Variants in CISD1 observed in about 807,000 individuals in gnomAD.
The protein encoded by CISD1 is CDGSH iron sulfur domain 1.
CISD1 carries 8 observed loss-of-function variants against 12.0 expected under a neutral mutation model. The ratio of observed to expected loss-of-function variants is 0.67; its 90% CI spans 0.39 to 1.20. The LOEUF is 1.20. Among genes scored for constraint, CISD1 ranks in the 50% most tolerant of loss-of-function variants. The probability of loss-of-function intolerance (pLI) is 0.01; values close to 1 mark genes in which losing one functional copy is unlikely to be tolerated. For synonymous variants in CISD1, 38 were observed against 42.2 expected (o/e 0.90, Z 0.39); for missense variants, 107 against 132.7 (o/e 0.81, Z 0.95).
chr10:58,286,131 G>C (rs530677290), intron 2 of CISD1, among the ~76,000 whole-genome samples: 2 of 151,528 alleles, frequency 1.3e-5, no homozygotes, highest in African/African-American at 4.9e-5. Context: ...CGTGAACCCA[G>C]GAGGCGGAGC....
chr10:58,271,017 G>A (rs935941733), intron 1 of CISD1, among the ~76,000 whole-genome samples: 2 of 147,708 alleles, frequency 1.4e-5, no homozygotes, highest in Non-Finnish European at 3.0e-5. Context: ...GATTACATAT[G>A]TGAGACACCA....
Position 58,288,322 on chromosome 10 carries a change from T to C in CISD1, c.*672T>C, listed in dbSNP as rs1182489979. ...ATTAAAGGAGCCAATAGTGAAAATT[T>C]AGTTAAAGGTGATATTAGATTTAAA... On this transcript the variant is annotated 3_prime_UTR_variant, in exon 3 of 3. Coordinates refer to ENST00000333926, the MANE Select transcript of CISD1 (RefSeq NM_018464.5). 6.6e-6 allele frequency: 1 copy of C among 152,346 alleles called. No homozygotes were observed. Among genetic ancestry groups the C allele is most frequent in the Non-Finnish European group, 1.5e-5 (1 of 68,004 alleles). The allele number at this position is 152,346 out of a possible 1,614,324, so 9.4% of individuals were successfully genotyped here. A position where few individuals can be genotyped will look rare whatever the true frequency, so the allele number is the denominator to read the frequency against.
At chr10:58,278,105 T>A (rs1433580746) in intron 2 of CISD1, among the ~76,000 whole-genome samples, 1 of 152,220 alleles carries the variant, frequency 6.6e-6, no homozygotes, top group African/African-American at 2.4e-5. Context: ...TTAGACATGA[T>A]GGCAGCTAGT....
chr10:58,279,743 G>A (rs140124047), intron 2 of CISD1, among the ~76,000 whole-genome samples: 10 of 152,242 alleles, frequency 6.6e-5, no homozygotes, highest in Non-Finnish European at 8.8e-5. Context: ...ATATGCATGC[G>A]TGAGAAACAT....
chr10:58,284,332 A>C (rs1162613407), intron 2 of CISD1, among the ~76,000 whole-genome samples: 1 of 152,036 alleles, frequency 6.6e-6, no homozygotes, highest in East Asian at 1.9e-4. Flanking sequence ...AAAAAAAAAA[A>C]AACTGTATAC....
At chr10:58,274,813 G>A (rs1017519183) in intron 1 of CISD1, among the ~76,000 whole-genome samples, 5 of 151,556 alleles carry the variant, frequency 3.3e-5, no homozygotes, top group East Asian at 3.9e-4. Flanking sequence ...GGGAGGTAAA[G>A]CTTAAAAAAA....
At chr10:58,279,019 CAT>C (rs544080502) in intron 2 of CISD1, among the ~76,000 whole-genome samples, 75 of 152,136 alleles carry the variant, frequency 4.9e-4, no homozygotes, top group Non-Finnish European at 1.0e-3. Context: ...TAAGTACTGA[CAT>C]GTGAATACAT....
rs60626434 is a variant in CISD1, at chr10:58,287,832, C to CA, written c.*199dup. 0.028 allele frequency: 7,254 copies of CA among 255,830 alleles called. 54 individuals are homozygous for CA. The highest frequency in any genetic ancestry group is 0.033 in the Non-Finnish European group (4,674 of 140,002). The allele number at this position is 255,830 out of a possible 1,614,324, so 15.8% of individuals were successfully genotyped here. ...ACATCGTGGTGCACATTTGTTTAAACAAAAAAAAAAAAAAAAAGGAAAAAC... is the reference window on the plus strand; with the variant it reads ...ACATCGTGGTGCACATTTGTTTAAACAAAAAAAAAAAAAAAAAAGGAAAAAC... On this transcript the variant is annotated 3_prime_UTR_variant, in exon 3 of 3. Coordinates refer to ENST00000333926, the MANE Select transcript of CISD1 (RefSeq NM_018464.5).
intron 2 of CISD1, among the ~76,000 whole-genome samples, chr10:58,285,940 T>G (rs540245552): frequency 6.4e-4 from 98 of 152,192 alleles, no homozygotes; most frequent in African/African-American, 2.3e-3. Context: ...GCGCGGTGGC[T>G]CACACCTGTA....
intron 1 of CISD1, among the ~76,000 whole-genome samples, chr10:58,272,937 G>A (rs576608538): frequency 1.3e-5 from 2 of 151,962 alleles, no homozygotes; most frequent in Non-Finnish European, 2.9e-5. Context: ...GAAAAATAAG[G>A]GGGGAGTTTG....
Position 58,269,314 on chromosome 10 carries a change from G to A in CISD1, c.31+10G>A. 2 of 1,607,384 alleles carry A rather than the reference G, an allele frequency of 1.2e-6. No homozygotes were observed. The highest frequency in any genetic ancestry group is 1.1e-5 in the South Asian group (1 of 91,002). On this transcript the variant is annotated intron_variant, in intron 1 of 2. Transcript: ENST00000333926. ...AGTTCCAGCGTACGAGGTGAAGTGG[G>A]GCCTGGGAGCGGGTGAGGCTGGTGA...
rs768624572 is a variant in CISD1, at chr10:58,277,149, G to A, written c.64G>A (p.Gly22Arg). 8 of 1,611,076 alleles carry A rather than the reference G, an allele frequency of 5.0e-6. No individual in the cohort carries two copies. The South Asian group carries it at 5.5e-5, about 11-fold the overall frequency. ...GATCGCAGCAGTTACCATTGCTGCT[G>A]GGACAGCTGCAATTGGTTATCTAGC... ...EWIAAVTIAA[G>R]TAAIGYLAYK... The change falls in exon 2 of 3, where the codon GGG becomes AGG. Residue 22 changes from glycine (G) to arginine (R), a missense_variant. Gly to Arg is a moderately radical substitution (Grantham distance 125, BLOSUM62 -2). Transcript: ENST00000333926.
At chr10:58,269,372 G>C in intron 1 of CISD1, 68 bp downstream of exon 1, 1 of 1,469,404 alleles carries the variant, frequency 6.8e-7, no homozygotes, top group Non-Finnish European at 9.4e-7. Flanking sequence ...CAGTTCGACT[G>C]GGTTGTTTTA....
chr10:58,270,827 G>T (rs1322204500), intron 1 of CISD1, among the ~76,000 whole-genome samples: 3 of 152,178 alleles, frequency 2.0e-5, no homozygotes, highest in Admixed American at 6.5e-5. Flanking sequence ...ACTGAAGCAG[G>T]TTATTGGCTT....
chr10:58,276,461 T>G (rs980939321), intron 1 of CISD1, among the ~76,000 whole-genome samples: 2 of 151,966 alleles, frequency 1.3e-5, no homozygotes, highest in African/African-American at 4.8e-5. Flanking sequence ...GAGAAAACAC[T>G]TTGAAATTTT....
rs747232724 is a variant in CISD1, at chr10:58,283,888, TAAAC to T, written c.238-3668_238-3665del. On this transcript the variant is annotated intron_variant, in intron 2 of 2. Coordinates refer to ENST00000333926, the MANE Select transcript of CISD1 (RefSeq NM_018464.5). ...ACAGACTTTTTCCAGGATTTGTTAATAAACAAACGCTGACATCTTAGAATAAATT... is the reference window on the plus strand; with the variant it reads ...ACAGACTTTTTCCAGGATTTGTTAATAAACGCTGACATCTTAGAATAAATT... Among the ~76,000 whole-genome samples the T allele has an allele frequency of 9.2e-5, 14 of 152,334 alleles. No individual in the cohort carries two copies. The East Asian group carries it at 2.1e-3, about 23-fold the overall frequency.
At chr10:58,269,765 A>AT (rs199781316) in intron 1 of CISD1, among the ~76,000 whole-genome samples, 187 of 151,608 alleles carry the variant, frequency 1.2e-3, no homozygotes, top group African/African-American at 3.3e-3. Context: ...AGTTTTGCAG[A>AT]TTTTTTTTTA....
In CISD1 at chr10:58,272,547, G is replaced by T. The variant is rs115813865; in HGVS notation, c.31+3243G>T. On this transcript the variant is annotated intron_variant, in intron 1 of 2. Transcript: ENST00000333926. Reference sequence around the variant, plus strand: ...CAAGTCATTTAAAGTCATTATTTAAGGGTTTTTGTCTGAAAAGAAAGGTAT... The same window carrying T: ...CAAGTCATTTAAAGTCATTATTTAATGGTTTTTGTCTGAAAAGAAAGGTAT... Among the ~76,000 whole-genome samples the T allele has an allele frequency of 8.8e-3, 1,333 of 152,212 alleles. 19 individuals are homozygous for T. The highest frequency in any genetic ancestry group is 0.03 in the African/African-American group (1,257 of 41,524).
At position 58,289,577 on chromosome 10, in the gene CISD1, A is replaced by T. The variant is rs202230835; in HGVS notation, c.*1927A>T. 3 of 152,122 alleles carry T rather than the reference A, an allele frequency of 2.0e-5. No homozygotes were observed. In the East Asian group the frequency reaches 5.8e-4, roughly 29 times the overall value. The allele number at this position is 152,122 out of a possible 1,614,324, so 9.4% of individuals were successfully genotyped here. A position where few individuals can be genotyped will look rare whatever the true frequency, so the allele number is the denominator to read the frequency against. ...AAACCCTTTTCAGGTTATTTGACCT[A>T]AAAACCAAAGTGAGTGTGGTTAGGT... On this transcript the variant is annotated 3_prime_UTR_variant, in exon 3 of 3. Transcript: ENST00000333926.
Sources: gnomAD v4.1 joint callset for allele counts (sites outside exome capture counted in the v4.1 genomes callset) on GRCh38, gnomAD v4.1.1 for gene constraint, MANE v1.5 for transcripts, NCBI Gene and HGNC (gene_info 2026-07-23, HGNC 2026-07-21) for gene names.